The following FAM178B variants were observed in gnomAD, a reference collection of about 807,000 sequenced individuals.
FAM178B encodes the protein family with sequence similarity 178 member B.
Under a neutral mutation model 91.7 loss-of-function variants are expected in FAM178B, and 82 were observed. The observed-to-expected ratio is 0.89, with a 90% CI of 0.75 to 1.07. The LOEUF (loss-of-function observed/expected upper bound fraction) is 1.07. Among genes scored for constraint, FAM178B ranks in the 50% least tolerant of loss-of-function variants. The probability of loss-of-function intolerance (pLI) is 0.00; values close to 1 mark genes in which losing one functional copy is unlikely to be tolerated. For missense variants in FAM178B, 769 were observed against 846.7 expected (o/e 0.91, Z 1.14); for synonymous variants, 368 against 359.4 (o/e 1.02, Z -0.27).
intron 9 of FAM178B, among the ~76,000 whole-genome samples, chr2:96,925,756 C>A (rs779688287): frequency 7.9e-5 from 12 of 152,206 alleles, no homozygotes; most frequent in Admixed American, 3.3e-4. Context: ...TTACAAGGGG[C>A]ATGTCACTGG....
At chr2:96,891,880 A>G (rs1325761376) in intron 14 of FAM178B, among the ~76,000 whole-genome samples, 2 of 152,198 alleles carry the variant, frequency 1.3e-5, no homozygotes, top group Admixed American at 1.3e-4. Context: ...AGCAGCCCCA[A>G]CGCTGGGAAA....
At chr2:96,986,135 G>A (rs1016540678) in intron 1 of FAM178B, 106 bp downstream of exon 1, 5 of 1,502,028 alleles carry the variant, frequency 3.3e-6, no homozygotes, top group Admixed American at 4.4e-5. Context: ...CGGCCGCACC[G>A]GGGCTGACCT....
chr2:96,901,318 G>A (rs933071051), intron 13 of FAM178B, among the ~76,000 whole-genome samples: 9 of 151,728 alleles, frequency 5.9e-5, no homozygotes, highest in Non-Finnish European at 1.0e-4. Flanking sequence ...GATTACAGGC[G>A]CCTGCCAGCA....
At chr2:96,889,155 A>G (rs1049140874) in intron 14 of FAM178B, among the ~76,000 whole-genome samples, 2 of 152,218 alleles carry the variant, frequency 1.3e-5, no homozygotes, top group African/African-American at 4.8e-5. Context: ...CCCAGAGGGC[A>G]GCTGGGGAGA....
intron 14 of FAM178B, among the ~76,000 whole-genome samples, chr2:96,891,230 G>A (rs760274874): frequency 4.6e-5 from 7 of 152,222 alleles, no homozygotes; most frequent in Non-Finnish European, 1.0e-4. Flanking sequence ...TCCCAGGCAG[G>A]ACCTCACTAG....
Position 96,882,766 on chromosome 2 carries a change from G to C in FAM178B, c.1777-4273C>G, listed in dbSNP as rs374710699. Among the ~76,000 whole-genome samples, 55 of 152,336 alleles carry C rather than the reference G, an allele frequency of 3.6e-4. No homozygotes were observed. In the South Asian group the frequency reaches 0.011, roughly 30 times the overall value. Reference sequence around the variant, plus strand: ...TCAGGGTTAGCCCTCCTTGGGTGCTGGGGGGCTACACTTGTCCAGGCCTCA... The same window carrying C: ...TCAGGGTTAGCCCTCCTTGGGTGCTCGGGGGCTACACTTGTCCAGGCCTCA... On this transcript the variant is annotated intron_variant, in intron 14 of 16. Coordinates refer to ENST00000490605, the MANE Select transcript of FAM178B (RefSeq NM_001122646.3).
Position 96,947,828 on chromosome 2 carries a change from G to A in FAM178B, c.1068C>T (p.Phe356=). ...CATCCCAGTACTGACCAGGCTGAAG[G>A]AAGATTCCATCCACAATGAGATCCC... ...LLWDLIVDGI[F]LQPDEDKHLW... The change falls in exon 8 of 17, where the codon TTC becomes TTT. Residue 356 remains phenylalanine, a synonymous_variant. Coordinates refer to ENST00000490605, the MANE Select transcript of FAM178B (RefSeq NM_001122646.3). 1 of 1,543,162 alleles carries A rather than the reference G, an allele frequency of 6.5e-7. No individual in the cohort carries two copies. The highest frequency in any genetic ancestry group is 8.8e-7 in the Non-Finnish European group (1 of 1,139,448).
At chr2:96,921,383 T>G (rs1250761199) in intron 11 of FAM178B, 95 bp downstream of exon 11, 5 of 1,509,300 alleles carry the variant, frequency 3.3e-6, no homozygotes, top group Non-Finnish European at 4.5e-6. Context: ...TCCGATGACC[T>G]CCAGGCAGTG....
intron 14 of FAM178B, among the ~76,000 whole-genome samples, chr2:96,884,021 G>A (rs2080455496): frequency 6.6e-6 from 1 of 152,230 alleles, no homozygotes; most frequent in South Asian, 2.1e-4. Flanking sequence ...TCTGGGAAAG[G>A]CTGAAGCTGT....
At position 96,921,099 on chromosome 2, in the gene FAM178B, G is replaced by A. The variant is rs1345937256; in HGVS notation, c.1562+66C>T. 18 of 1,349,532 alleles carry A rather than the reference G, an allele frequency of 1.3e-5. No homozygotes were observed. In the African/African-American group the frequency reaches 2.0e-4, roughly 15 times the overall value. 83.6% of individuals were successfully genotyped at this position (1,349,532 alleles called of 1,614,324 possible). On this transcript the variant is annotated intron_variant, in intron 12 of 16. Transcript: ENST00000490605. The stretch of plus-strand genomic sequence containing the variant: ...TGTTGGGGCTGATGGGGAGGACTCT[G>A]GATCCCTACAAGACCCCGAAGAGAT...
At chr2:96,967,061 G>C (rs1051183095) in intron 5 of FAM178B, among the ~76,000 whole-genome samples, 1 of 152,102 alleles carries the variant, frequency 6.6e-6, no homozygotes, top group Non-Finnish European at 1.5e-5. Context: ...CTGATGCTCC[G>C]AAGTAGAGAT....
chr2:96,944,528 A>G (rs1037106310), intron 8 of FAM178B, among the ~76,000 whole-genome samples: 9 of 152,312 alleles, frequency 5.9e-5, no homozygotes, highest in Admixed American at 2.6e-4. Flanking sequence ...TCCTGAGAAC[A>G]CAGTGGTGGT....
intron 12 of FAM178B, among the ~76,000 whole-genome samples, chr2:96,905,814 GTGTGTATATA>G (rs1455145117): frequency 5.5e-4 from 19 of 34,480 alleles, no homozygotes; most frequent in African/African-American, 1.9e-3. Flanking sequence ...ATACATATAT[GTGTGTATATA>G]TATATATATA....
chr2:96,973,831 C>T (rs1198919282), intron 1 of FAM178B, among the ~76,000 whole-genome samples: 1 of 151,586 alleles, frequency 6.6e-6, no homozygotes, highest in African/African-American at 2.4e-5. Context: ...AAAACCCCAT[C>T]TCTACTAAAA....
chr2:96,880,671 T>C (rs1029916167), intron 14 of FAM178B, among the ~76,000 whole-genome samples: 1 of 152,146 alleles, frequency 6.6e-6, no homozygotes, highest in Non-Finnish European at 1.5e-5. Context: ...CTCCGCTCAC[T>C]GCAAGCTCTG....
chr2:96,951,387 G>T lies in FAM178B; in HGVS notation c.985C>A (p.Leu329Met). 5 of 1,550,676 alleles carry T rather than the reference G, an allele frequency of 3.2e-6. No homozygotes were observed. The highest frequency in any genetic ancestry group is 4.4e-6 in the Non-Finnish European group (5 of 1,146,196). The change falls in exon 7 of 17, where the codon CTG (leucine) becomes ATG (methionine). Residue 329 changes from leucine to methionine, a missense_variant. Physicochemically the swap from Leu to Met is conservative, Grantham distance 15. Coordinates refer to ENST00000490605, the MANE Select transcript of FAM178B (RefSeq NM_001122646.3). ...AGGCCTGCGGTCCTCACCTGGAACA[G>T]CCACTGGAGCAGGGATACCGGGCAG... Reference protein sequence around the residue: ...PDCPVSLLQWLFQLLTWPPET... With the variant: ...PDCPVSLLQWMFQLLTWPPET...
intron 14 of FAM178B, among the ~76,000 whole-genome samples, chr2:96,883,025 T>A (rs1237132417): frequency 1.3e-5 from 2 of 152,254 alleles, no homozygotes; most frequent in Non-Finnish European, 2.9e-5. Flanking sequence ...TCTGGTGGGC[T>A]GGCTCTTCTG....
Position 96,902,640 on chromosome 2 carries a change from G to A in FAM178B, c.1630C>T (p.Leu544Phe). Residue 544 changes from leucine (L) to phenylalanine (F), a missense_variant, in exon 13 of 17, where the codon CTC (leucine) becomes TTC (phenylalanine). Coordinates refer to ENST00000490605, the MANE Select transcript of FAM178B (RefSeq NM_001122646.3). ...CTCACCTGGGTCTTCTCTTGCCAGA[G>A]AGGGAGCATCTCCTGCTGGCCCAGC... ...RMLGQQEMLP[L>F]WQEKTQLSSL... 6.4e-7 allele frequency: 1 copy of A among 1,550,888 alleles called. No individual in the cohort carries two copies. Among genetic ancestry groups the A allele is most frequent in the Non-Finnish European group, 8.7e-7 (1 of 1,146,546 alleles).
chr2:96,937,123 G>A (rs2081645970), intron 8 of FAM178B, among the ~76,000 whole-genome samples: 1 of 151,834 alleles, frequency 6.6e-6, no homozygotes, highest in South Asian at 2.1e-4. Flanking sequence ...TGGAACTCCT[G>A]AGCTCAAGCA....
Sources: allele counts gnomAD v4.1 joint callset (sites outside exome capture counted in the v4.1 genomes callset), GRCh38; gene constraint gnomAD v4.1.1; transcripts MANE v1.5; gene names NCBI Gene and HGNC (gene_info 2026-07-23, HGNC 2026-07-21).